Variants in ELMO1 observed in about 807,000 individuals in gnomAD.
The protein encoded by ELMO1 is engulfment and cell motility 1.
A neutral mutation model predicts 98.9 loss-of-function variants in ELMO1; 26 were observed. The observed-to-expected ratio is 0.26, with a 90% confidence interval of 0.19 to 0.36. ELMO1 has a LOEUF of 0.36. ELMO1 is among the 10% of genes least tolerant of loss of function. The pLI is 1.00. For missense variants in ELMO1, 627 were observed against 935.2 expected (o/e 0.67, Z 4.30); for synonymous variants, 346 against 346.0 (o/e 1.00, Z 0.00).
chr7:37,368,044 G>A (rs1044091043), intron 1 of ELMO1, among the ~76,000 whole-genome samples: 1 of 152,118 alleles, frequency 6.6e-6, no homozygotes, highest in South Asian at 2.1e-4. Context: ...CTTCCTAAAG[G>A]ATATCTACAG....
At chr7:36,921,361 TTAA>T (rs1323240074) in intron 16 of ELMO1, among the ~76,000 whole-genome samples, 1 of 152,162 alleles carries the variant, frequency 6.6e-6, no homozygotes, top group African/African-American at 2.4e-5. Context: ...AGGCAAGTTA[TTAA>T]ACCTCTCTTG....
intron 14 of ELMO1, among the ~76,000 whole-genome samples, chr7:37,131,027 C>A (rs564200291): frequency 6.6e-6 from 1 of 152,098 alleles, no homozygotes; most frequent in African/African-American, 2.4e-5. Flanking sequence ...AATTAGCTGC[C>A]CAGATCACTA....
intron 15 of ELMO1, among the ~76,000 whole-genome samples, chr7:37,043,688 T>C (rs1032238955): frequency 6.6e-6 from 1 of 152,172 alleles, no homozygotes. Context: ...AGCCAGAACA[T>C]GAACATTATC....
intron 14 of ELMO1, among the ~76,000 whole-genome samples, chr7:37,107,480 TA>T (rs1235184972): frequency 2.6e-5 from 4 of 152,296 alleles, no homozygotes; most frequent in African/African-American, 9.6e-5. Context: ...GGATGCTGAA[TA>T]AAAGCAGAGA....
chr7:37,378,891 T>C (rs1802475126), intron 1 of ELMO1, among the ~76,000 whole-genome samples: 1 of 152,188 alleles, frequency 6.6e-6, no homozygotes, highest in African/African-American at 2.4e-5. Context: ...TCGTAACTGG[T>C]CCTTTGCATT....
intron 13 of ELMO1, among the ~76,000 whole-genome samples, chr7:37,192,970 GATATATATATATATATATATATAT>G (rs374892700): frequency 2.5e-5 from 1 of 40,098 alleles, no homozygotes; most frequent in African/African-American, 6.4e-5. Context: ...ATATATAGGA[GATATATATATATATATATATATAT>G]ATATATATAT....
intron 10 of ELMO1, among the ~76,000 whole-genome samples, chr7:37,217,372 A>C (rs770156524): frequency 2.6e-5 from 4 of 152,160 alleles, no homozygotes; most frequent in Admixed American, 6.6e-5. Context: ...ACAAGTGGAG[A>C]CTAAGGGAAA....
intron 15 of ELMO1, among the ~76,000 whole-genome samples, chr7:37,087,636 T>C (rs1783860011): frequency 2.0e-5 from 3 of 152,240 alleles, no homozygotes; most frequent in African/African-American, 7.2e-5. Context: ...CTGAGACAAA[T>C]GAATATTTGA....
intron 15 of ELMO1, among the ~76,000 whole-genome samples, chr7:37,082,690 T>G (rs867643752): frequency 7.2e-5 from 11 of 152,036 alleles, no homozygotes. Context: ...GTGACTGCGT[T>G]ACTGCACTCC....
chr7:37,156,119 A>C (rs901918030), intron 13 of ELMO1, among the ~76,000 whole-genome samples: 1 of 152,254 alleles, frequency 6.6e-6, no homozygotes, highest in African/African-American at 2.4e-5. Flanking sequence ...ATGTTCTTTG[A>C]AACCAGTGAG....
intron 10 of ELMO1, 89 bp downstream of exon 10, chr7:37,222,526 A>T (rs999669068): frequency 1.6e-6 from 2 of 1,281,712 alleles, no homozygotes; most frequent in East Asian, 4.6e-5. Context: ...GAGAGGCCCA[A>T]TGAGTCCCCG....
intron 17 of ELMO1, among the ~76,000 whole-genome samples, chr7:36,888,063 G>C (rs1177916148): frequency 2.0e-5 from 3 of 152,192 alleles, no homozygotes; most frequent in African/African-American, 7.2e-5. Context: ...CTCTGGGACT[G>C]TGTTTGTGAT....
chr7:37,399,484 C>A (rs765895059), intron 1 of ELMO1, among the ~76,000 whole-genome samples: 31 of 152,146 alleles, frequency 2.0e-4, no homozygotes, highest in Non-Finnish European at 3.2e-4. Flanking sequence ...CTACCTCAGC[C>A]CAACACGAGC....
At chr7:37,283,674 G>T (rs2723958) in intron 4 of ELMO1, among the ~76,000 whole-genome samples, 73,913 of 152,072 alleles carry the variant, frequency 0.49, 18,307 homozygotes, top group Middle Eastern at 0.62. Flanking sequence ...CCACCATTAT[G>T]ATTCCATGGG....
At chr7:37,369,294 G>A (rs1297067179) in intron 1 of ELMO1, among the ~76,000 whole-genome samples, 1 of 152,094 alleles carries the variant, frequency 6.6e-6, no homozygotes, top group African/African-American at 2.4e-5. Context: ...ATTCTTTCAG[G>A]TTTTGTAGTA....
rs80112217 is a variant in ELMO1 at position 36,945,500 on chromosome 7, A to G, written c.1438-50483T>C. 3.7e-3 allele frequency among the ~76,000 whole-genome samples: 568 copies of G among 152,306 alleles called. 6 individuals are homozygous for G. The highest frequency in any genetic ancestry group is 0.013 in the African/African-American group (531 of 41,562). On this transcript the variant is annotated intron_variant, in intron 16 of 21. Transcript: ENST00000310758. Reference sequence around the variant, plus strand: ...CACGAAGCTTTCCGGGAATCCCTAGAACGATCATTTAGAATGTCATTACCT... The same window carrying G: ...CACGAAGCTTTCCGGGAATCCCTAGGACGATCATTTAGAATGTCATTACCT...
intron 16 of ELMO1, among the ~76,000 whole-genome samples, chr7:36,898,647 C>T (rs553125246): frequency 6.6e-6 from 1 of 152,304 alleles, no homozygotes; most frequent in African/African-American, 2.4e-5. Context: ...TGTAAATGCG[C>T]TCCTGTGTTT....
At chr7:37,177,080 T>C (rs1449646648) in intron 13 of ELMO1, among the ~76,000 whole-genome samples, 4 of 152,184 alleles carry the variant, frequency 2.6e-5, no homozygotes, top group African/African-American at 4.8e-5. Flanking sequence ...CCAGTGGAAC[T>C]GAAATTAAGA....
chr7:37,368,231 G>A (rs139842861), intron 1 of ELMO1, among the ~76,000 whole-genome samples: 5 of 152,046 alleles, frequency 3.3e-5, no homozygotes, highest in African/African-American at 1.2e-4. Context: ...TGATATTATT[G>A]TCTATCAGAA....
Sources: allele counts gnomAD v4.1 joint callset (sites outside exome capture counted in the v4.1 genomes callset), GRCh38; gene constraint gnomAD v4.1.1; transcripts MANE v1.5; gene names NCBI Gene and HGNC (gene_info 2026-07-23, HGNC 2026-07-21).